Variants in CAST observed in about 807,000 individuals in gnomAD.
The protein encoded by CAST is calpastatin.
A neutral mutation model predicts 119.6 loss-of-function variants in CAST; 76 were observed. The ratio of observed to expected loss-of-function variants is 0.64; its 90% CI spans 0.53 to 0.77. The LOEUF is 0.77. Ranked by LOEUF, CAST falls within the 30% of genes least tolerant of loss-of-function variation. The probability of loss-of-function intolerance (pLI) is 0.00; values close to 1 mark genes in which losing one functional copy is unlikely to be tolerated. For synonymous variants in CAST, 319 were observed against 331.6 expected (o/e 0.96, Z 0.41); for missense variants, 953 against 946.5 (o/e 1.01, Z -0.09).
chr5:96,117,032 T>C, the CAST span, among the ~76,000 whole-genome samples: 341 of 152,352 alleles, frequency 2.2e-3, 3 homozygotes, highest in African/African-American at 7.4e-3. Flanking sequence ...CATGTCTTGG[T>C]CACCCTGAAG....
chr5:96,164,069 A>G, the CAST span, among the ~76,000 whole-genome samples: 3 of 152,226 alleles, frequency 2.0e-5, no homozygotes, highest in South Asian at 4.1e-4. Flanking sequence ...CCTGACTTCA[A>G]TAGTAAGCAC....
the CAST span, chr5:96,433,123 C>T: frequency 7.5e-7 from 1 of 1,325,672 alleles, no homozygotes; most frequent in Non-Finnish European, 1.1e-6. Flanking sequence ...ACAGACTCCC[C>T]CTTCCCACCC....
chr5:96,487,680 C>G, the CAST span, among the ~76,000 whole-genome samples: 1 of 152,202 alleles, frequency 6.6e-6, no homozygotes, highest in Non-Finnish European at 1.5e-5. Context: ...TGACATTTCT[C>G]CAGTTAATTT....
At chr5:96,144,512 A>G in the CAST span, among the ~76,000 whole-genome samples, 1 of 152,198 alleles carries the variant, frequency 6.6e-6, no homozygotes, top group African/African-American at 2.4e-5. Flanking sequence ...CTTTTAGTTG[A>G]GAAAGCACCT....
rs569743980 is a variant in CAST, at chr5:96,535,020, C to G, written c.60+5140C>G. ...TCAGGGAACAATATTTACAAAGCCA[C>G]AATAATGTAAACATTTCATTGACTT... On this transcript the variant is annotated intron_variant, in intron 1 of 11. Coordinates refer to the CAST transcript ENST00000505143. Among the ~76,000 whole-genome samples the G allele has an allele frequency of 2.0e-5, 3 of 152,136 alleles. No individual in the cohort carries two copies. The East Asian group carries it at 5.8e-4, about 29-fold the overall frequency.
the CAST span, among the ~76,000 whole-genome samples, chr5:96,024,085 G>C: frequency 6.1e-3 from 932 of 152,240 alleles, 3 homozygotes; most frequent in Non-Finnish European, 9.8e-3. Context: ...TAATCCCCAT[G>C]AACTGAAAAT....
At chr5:96,486,642 C>T in the CAST span, among the ~76,000 whole-genome samples, 2 of 152,206 alleles carry the variant, frequency 1.3e-5, no homozygotes, top group East Asian at 1.9e-4. Context: ...ATCAGCATTT[C>T]TACCAAAGCA....
chr5:96,331,433 C>T, the CAST span, among the ~76,000 whole-genome samples: 3 of 152,218 alleles, frequency 2.0e-5, no homozygotes, highest in African/African-American at 7.2e-5. Context: ...CCTGTACCAA[C>T]AGCAGTAATG....
chr5:96,465,126 T>C, the CAST span, among the ~76,000 whole-genome samples: 1 of 152,040 alleles, frequency 6.6e-6, no homozygotes, highest in Non-Finnish European at 1.5e-5. Flanking sequence ...TGGCATATCT[T>C]TTGGCAGATT....
At chr5:96,738,573 A>G (rs1436362679) in intron 11 of CAST, among the ~76,000 whole-genome samples, 1 of 152,034 alleles carries the variant, frequency 6.6e-6, no homozygotes, top group Non-Finnish European at 1.5e-5. Context: ...TGATTTCTCG[A>G]TATTTACCAC....
At chr5:95,990,109 C>T in the CAST span, among the ~76,000 whole-genome samples, 5 of 152,112 alleles carry the variant, frequency 3.3e-5, 1 homozygote, top group African/African-American at 1.2e-4. Context: ...TAAAAATAAG[C>T]TTGAAATATT....
At chr5:96,073,119 T>C in the CAST span, among the ~76,000 whole-genome samples, 1 of 152,252 alleles carries the variant, frequency 6.6e-6, no homozygotes, top group Non-Finnish European at 1.5e-5. Context: ...CTGTTATCCC[T>C]TTGATGCCAG....
At chr5:96,709,754 A>G (rs548916200) in intron 3 of CAST, among the ~76,000 whole-genome samples, 1 of 152,264 alleles carries the variant, frequency 6.6e-6, no homozygotes, top group East Asian at 1.9e-4. Flanking sequence ...CTCCTGTTCT[A>G]CAGAAATAGA....
chr5:96,494,179 G>C, the CAST span, among the ~76,000 whole-genome samples: 1 of 152,108 alleles, frequency 6.6e-6, no homozygotes, highest in Non-Finnish European at 1.5e-5. Context: ...CAGATAACAA[G>C]AAAAGAACCT....
At chr5:96,663,239 C>G (rs1170009989) in intron 1 of CAST, 1 of 702,456 alleles carries the variant, frequency 1.4e-6, no homozygotes, top group Admixed American at 2.0e-5. Flanking sequence ...TTGCTTTGCC[C>G]TTCTGGGCGT....
At chr5:96,753,259 A>G (rs981270050) in intron 20 of CAST, among the ~76,000 whole-genome samples, 3 of 152,020 alleles carry the variant, frequency 2.0e-5, no homozygotes, top group African/African-American at 7.3e-5. Flanking sequence ...GCCTCCCAAA[A>G]TGCTGTGATG....
chr5:96,744,364 G>A (rs1222288691), intron 16 of CAST, among the ~76,000 whole-genome samples: 1 of 152,182 alleles, frequency 6.6e-6, no homozygotes, highest in Non-Finnish European at 1.5e-5. Flanking sequence ...GAGGAGCAAA[G>A]TCACGTCTTA....
chr5:96,394,901 T>G, the CAST span: 2 of 1,614,118 alleles, frequency 1.2e-6, no homozygotes, highest in African/African-American at 1.3e-5. Flanking sequence ...CCCTCTTCTG[T>G]CATTCTGAAC....
At chr5:96,134,727 A>G in the CAST span, among the ~76,000 whole-genome samples, 1 of 152,224 alleles carries the variant, frequency 6.6e-6, no homozygotes, top group Admixed American at 6.5e-5. Context: ...CACCCAGTCA[A>G]TATTTATGGA....
Sources: allele counts gnomAD v4.1 joint callset (sites outside exome capture counted in the v4.1 genomes callset), GRCh38; gene constraint gnomAD v4.1.1; transcripts MANE v1.5; gene names NCBI Gene and HGNC (gene_info 2026-07-23, HGNC 2026-07-21).